The following XKR7 variants were observed in gnomAD, a reference collection of about 807,000 sequenced individuals.
XKR7 encodes XK related 7.
In XKR7, 11 loss-of-function variants were observed where a neutral mutation model predicts 42.2. That is an observed-to-expected ratio of 0.26 (90% confidence interval 0.16 to 0.43). The LOEUF is 0.43. Ranked by LOEUF, XKR7 falls within the 20% of genes least tolerant of loss-of-function variation. XKR7 has a pLI of 1.00. For missense variants in XKR7, 710 were observed against 802.2 expected (o/e 0.89, Z 1.39); for synonymous variants, 346 against 366.4 (o/e 0.94, Z 0.64).
At chr20:31,986,778 C>T (rs561818419) in intron 1 of XKR7, among the ~76,000 whole-genome samples, 1 of 139,458 alleles carries the variant, frequency 7.2e-6, no homozygotes, top group Admixed American at 7.2e-5. Context: ...ACCCAGCATC[C>T]AAGACACAGA....
chr20:32,001,469 G>C lies in XKR7; in HGVS notation c.*4012G>C, dbSNP rs377400990. 1 of 152,182 alleles carries C rather than the reference G, an allele frequency of 6.6e-6. No homozygotes were observed. The highest frequency in any genetic ancestry group is 2.4e-5 in the African/African-American group (1 of 41,442). 9.4% of individuals were successfully genotyped at this position (152,182 alleles called of 1,614,324 possible). A position where few individuals can be genotyped will look rare whatever the true frequency, so the allele number is the denominator to read the frequency against. Reference sequence around the variant, plus strand: ...TCCTGCCAAGTGGAAACCCCTCAGCGGAAGTCAGGGACAGAGGCTGTGGCT... The same window carrying C: ...TCCTGCCAAGTGGAAACCCCTCAGCCGAAGTCAGGGACAGAGGCTGTGGCT... On this transcript the variant is annotated 3_prime_UTR_variant, in exon 3 of 3. Transcript: ENST00000562532.
intron 1 of XKR7, among the ~76,000 whole-genome samples, chr20:31,984,888 T>G (rs1166198047): frequency 6.6e-6 from 1 of 152,204 alleles, no homozygotes; most frequent in African/African-American, 2.4e-5. Context: ...TGGCACTAAC[T>G]TGCTGTGTGA....
chr20:31,979,553 C>A (rs59623630), intron 1 of XKR7, among the ~76,000 whole-genome samples: 1 of 152,224 alleles, frequency 6.6e-6, no homozygotes, highest in African/African-American at 2.4e-5. Flanking sequence ...TTGGCTGGAA[C>A]TGACAGGTGG....
At chr20:31,994,109 C>T (rs2064581052) in intron 1 of XKR7, among the ~76,000 whole-genome samples, 1 of 152,150 alleles carries the variant, frequency 6.6e-6, no homozygotes, top group South Asian at 2.1e-4. Flanking sequence ...CTTCCTTGCA[C>T]CCTGGGGTGA....
intron 1 of XKR7, among the ~76,000 whole-genome samples, chr20:31,991,796 G>A (rs767472514): frequency 3.9e-5 from 6 of 152,114 alleles, no homozygotes; most frequent in Non-Finnish European, 4.4e-5. Context: ...CATCTCTTGT[G>A]TGCCTTCAGA....
At chr20:31,996,477 C>A in intron 2 of XKR7, 28 bp from the exon 3 acceptor site, 1 of 498,710 alleles carries the variant, frequency 2.0e-6, no homozygotes, top group Non-Finnish European at 3.2e-6. Context: ...CTAACCCAGC[C>A]CACCCCGCCC....
intron 1 of XKR7, among the ~76,000 whole-genome samples, chr20:31,979,598 C>T (rs865929319): frequency 2.0e-4 from 30 of 152,136 alleles, no homozygotes; most frequent in African/African-American, 7.2e-4. Flanking sequence ...GTTCCCCAGT[C>T]CCTCATAATG....
Position 31,998,085 on chromosome 20 carries a change from G to C in XKR7, c.*628G>C, listed in dbSNP as rs1415823491. The C allele has an allele frequency of 6.7e-5, 9 of 134,502 alleles. No individual in the cohort carries two copies. The highest frequency in any genetic ancestry group is 1.9e-4 in the African/African-American group (7 of 36,430). The allele number at this position is 134,502 out of a possible 1,614,324, so 8.3% of individuals were successfully genotyped here. A position where few individuals can be genotyped will look rare whatever the true frequency, so the allele number is the denominator to read the frequency against. On this transcript the variant is annotated 3_prime_UTR_variant, in exon 3 of 3. Coordinates refer to ENST00000562532, the MANE Select transcript of XKR7 (RefSeq NM_001011718.2). ...GAGATGGATAGGAGAAAGAACTGGG[G>C]GGGGGGTCTAGGCTGGCAGAAGCAT...
intron 1 of XKR7, among the ~76,000 whole-genome samples, chr20:31,987,797 G>A (rs1242822451): frequency 6.6e-6 from 1 of 152,230 alleles, no homozygotes; most frequent in African/African-American, 2.4e-5. Flanking sequence ...TGGCCTCTAA[G>A]GGCAGGCAGA....
intron 2 of XKR7, 35 bp from the exon 3 acceptor site, chr20:31,996,470 A>AACCCCCCCCCCCCCCC: frequency 2.5e-6 from 1 of 401,218 alleles, no homozygotes; most frequent in East Asian, 3.5e-5. Context: ...CCCGCCCCTA[A>AACCCCCCCCCCCCCCC]CCCAGCCCAC....
chr20:31,990,692 G>A (rs1440266697), intron 1 of XKR7, among the ~76,000 whole-genome samples: 1 of 152,172 alleles, frequency 6.6e-6, no homozygotes, highest in Non-Finnish European at 1.5e-5. Flanking sequence ...TAGTTGACTG[G>A]CTGACATCAT....
rs1246016400 is a variant in XKR7, at chr20:32,002,028, T to C, written c.*4571T>C. The C allele has an allele frequency of 6.6e-6, 1 of 152,230 alleles. No individual in the cohort carries two copies. The highest frequency in any genetic ancestry group is 2.4e-5 in the African/African-American group (1 of 41,434). 9.4% of individuals were successfully genotyped at this position (152,230 alleles called of 1,614,324 possible). ...GAGGAAAGGAGCTTCAATGTGCCAT[T>C]CTGGTTGGGGAGAGGATAGGACATT... On this transcript the variant is annotated 3_prime_UTR_variant, in exon 3 of 3. Transcript: ENST00000562532.
chr20:31,992,879 T>G lies in XKR7; in HGVS notation c.585-2189T>G, dbSNP rs183913642. Among the ~76,000 whole-genome samples the G allele has an allele frequency of 4.6e-5, 7 of 152,242 alleles. No homozygotes were observed. In the East Asian group the frequency reaches 1.3e-3, roughly 29 times the overall value. ...CACACAGCTGGTAAGACCAGTATAC[T>G]CATTTGAGGAAATTTGGTATCAGCT... On this transcript the variant is annotated intron_variant, in intron 1 of 2. Transcript: ENST00000562532.
At chr20:31,996,201 A>G (rs1225138462) in intron 2 of XKR7, among the ~76,000 whole-genome samples, 1 of 148,016 alleles carries the variant, frequency 6.8e-6, no homozygotes, top group Admixed American at 6.7e-5. Context: ...CCCTCCCACC[A>G]AGACCCCTGA....
At chr20:31,992,125 A>G (rs183379856) in intron 1 of XKR7, among the ~76,000 whole-genome samples, 1 of 152,284 alleles carries the variant, frequency 6.6e-6, no homozygotes, top group Non-Finnish European at 1.5e-5. Flanking sequence ...CTCAAAACAA[A>G]ACAAAACAAA....
At chr20:31,983,208 G>A (rs1390259195) in intron 1 of XKR7, among the ~76,000 whole-genome samples, 1 of 152,170 alleles carries the variant, frequency 6.6e-6, no homozygotes, top group Non-Finnish European at 1.5e-5. Context: ...CCAGGCACTG[G>A]GCATGTAGCA....
chr20:31,989,280 C>G (rs542447706), intron 1 of XKR7, among the ~76,000 whole-genome samples: 1 of 118,722 alleles, frequency 8.4e-6, no homozygotes, highest in Admixed American at 7.8e-5. Flanking sequence ...AGGACACCCC[C>G]CCCCCAGCGC....
chr20:31,974,051 G>A (rs1274193862), intron 1 of XKR7, among the ~76,000 whole-genome samples: 3 of 152,122 alleles, frequency 2.0e-5, no homozygotes, highest in Non-Finnish European at 4.4e-5. Flanking sequence ...AAATTAGCTG[G>A]GCATGGTGGT....
At position 32,000,608 on chromosome 20, in the gene XKR7, G is replaced by A. The variant is rs1244027753; in HGVS notation, c.*3151G>A. The A allele has an allele frequency of 2.0e-5, 3 of 152,312 alleles. No individual in the cohort carries two copies. The East Asian group carries it at 5.8e-4, about 29-fold the overall frequency. The allele number at this position is 152,312 out of a possible 1,614,324, so 9.4% of individuals were successfully genotyped here. A position where few individuals can be genotyped will look rare whatever the true frequency, so the allele number is the denominator to read the frequency against. The stretch of plus-strand genomic sequence containing the variant: ...GTGTGTCTTAATTTTGCCAGGAACA[G>A]AAGAGAACAGGATGCTTTGGGTACC... On this transcript the variant is annotated 3_prime_UTR_variant, in exon 3 of 3. Coordinates refer to ENST00000562532, the MANE Select transcript of XKR7 (RefSeq NM_001011718.2).
Sources: allele counts gnomAD v4.1 joint callset (sites outside exome capture counted in the v4.1 genomes callset), GRCh38; gene constraint gnomAD v4.1.1; transcripts MANE v1.5; gene names NCBI Gene and HGNC (gene_info 2026-07-23, HGNC 2026-07-21).